Variants in NRDC observed in about 807,000 individuals in gnomAD.
The protein encoded by NRDC is nardilysin convertase.
A neutral mutation model predicts 147.1 loss-of-function variants in NRDC; 54 were observed. That is an observed-to-expected ratio of 0.37 (90% CI 0.29 to 0.46). The LOEUF is 0.46. Among genes scored for constraint, NRDC ranks in the 20% least tolerant of loss-of-function variants. The pLI is 1.00. For synonymous variants in NRDC, 440 were observed against 482.1 expected (o/e 0.91, Z 1.14); for missense variants, 1,082 against 1,370.6 (o/e 0.79, Z 3.33).
At chr1:51,814,295 TAA>T (rs1156559095) in intron 13 of NRDC, 4 of 568,140 alleles carry the variant, frequency 7.0e-6, no homozygotes, top group Non-Finnish European at 1.2e-5. Context: ...GAACCTAGAA[TAA>T]AAGTTTAAAA....
intron 1 of NRDC, among the ~76,000 whole-genome samples, chr1:51,857,516 C>T (rs545506976): frequency 3.7e-4 from 57 of 152,280 alleles, no homozygotes; most frequent in African/African-American, 1.3e-3. Context: ...ATGGAGTGAC[C>T]AAGCAAGGTA....
chr1:51,820,100 TAGAG>T (rs1470161518), intron 8 of NRDC, among the ~76,000 whole-genome samples: 2 of 152,168 alleles, frequency 1.3e-5, no homozygotes, highest in Non-Finnish European at 2.9e-5. Flanking sequence ...ACTCAAGAGA[TAGAG>T]AATGAATTTA....
chr1:51,818,166 TGTAA>T (rs745887163), intron 9 of NRDC, 31 bp from the exon 10 acceptor site: 19 of 1,450,198 alleles, frequency 1.3e-5, no homozygotes, highest in Admixed American at 4.0e-5. Context: ...GAAGAACAGA[TGTAA>T]GTGTTTCTCT....
chr1:51,791,649 G>A lies in NRDC; in HGVS notation c.2889C>T (p.Tyr963=), dbSNP rs1678662066. 6.2e-7 allele frequency: 1 copy of A among 1,613,556 alleles called. No homozygotes were observed. Among genetic ancestry groups the A allele is most frequent in the Non-Finnish European group, 8.5e-7 (1 of 1,179,538 alleles). ...TCCCGGATGTGTTCCTACAGGTAGGGTAGACATGGTACCTACAAGCCAGAG... is the reference window on the plus strand; with the variant it reads ...TCCCGGATGTGTTCCTACAGGTAGGATAGACATGGTACCTACAAGCCAGAG... ...RTKQTLGYHV[Y]PTCRNTSGIL... The change falls in exon 27 of 31, where the codon TAC becomes TAT. Residue 963 remains tyrosine (Y), a synonymous_variant. Transcript: ENST00000352171.
intron 1 of NRDC, among the ~76,000 whole-genome samples, chr1:51,870,712 T>A (rs1467414227): frequency 6.6e-6 from 1 of 152,178 alleles, no homozygotes; most frequent in Middle Eastern, 3.2e-3. Flanking sequence ...TCTCTGGGTA[T>A]GTTCTTAAGA....
At chr1:51,850,176 C>CA (rs1169739958) in intron 1 of NRDC, among the ~76,000 whole-genome samples, 134 of 147,564 alleles carry the variant, frequency 9.1e-4, no homozygotes, top group South Asian at 2.6e-3. Flanking sequence ...GACTCTATCT[C>CA]AAAAAAAAAT....
At chr1:51,851,892 G>A (rs1351721735) in intron 1 of NRDC, among the ~76,000 whole-genome samples, 1 of 152,138 alleles carries the variant, frequency 6.6e-6, no homozygotes, top group Non-Finnish European at 1.5e-5. Flanking sequence ...GGCTGCCTGG[G>A]TTGAATTCCC....
chr1:51,861,109 C>A (rs967009851), intron 1 of NRDC, among the ~76,000 whole-genome samples: 9 of 151,726 alleles, frequency 5.9e-5, no homozygotes, highest in Non-Finnish European at 7.4e-5. Context: ...ATCACCATGC[C>A]CAGTTAATTT....
chr1:51,837,772 T>C, intron 2 of NRDC: 1 of 585,984 alleles, frequency 1.7e-6, no homozygotes, highest in East Asian at 3.4e-5. Context: ...TATCAAACTT[T>C]TAAAATCAAG....
intron 22 of NRDC, chr1:51,795,228 T>C (rs1678842019): frequency 2.3e-6 from 3 of 1,297,466 alleles, no homozygotes; most frequent in Middle Eastern, 2.1e-4. Context: ...GCAAAGAAAA[T>C]AACATTTAAT....
At chr1:51,849,424 A>C (rs1681825458) in intron 1 of NRDC, among the ~76,000 whole-genome samples, 1 of 151,868 alleles carries the variant, frequency 6.6e-6, no homozygotes, top group Non-Finnish European at 1.5e-5. Flanking sequence ...CAAAAAAACA[A>C]AACAAAACAA....
chr1:51,797,438 C>G lies in NRDC; in HGVS notation c.2604+811G>C, dbSNP rs1678981904. ...TCATATCTGTACTTTAAAACAGCTT[C>G]ATAACTTGTCTCTCTGGATATTTCT... On this transcript the variant is annotated intron_variant, in intron 22 of 30. Coordinates refer to ENST00000352171, the MANE Select transcript of NRDC (RefSeq NM_001101662.2). Among the ~76,000 whole-genome samples, 3 of 152,290 alleles carry G rather than the reference C, an allele frequency of 2.0e-5. No homozygotes were observed. The South Asian group carries it at 6.2e-4, about 32-fold the overall frequency.
chr1:51,878,185 A>G (rs1683425727), intron 1 of NRDC, 90 bp downstream of exon 1: 1 of 1,479,524 alleles, frequency 6.8e-7, no homozygotes, highest in South Asian at 1.3e-5. Flanking sequence ...CTGTTGCTCC[A>G]TTGGGAGACA....
Position 51,792,028 on chromosome 1 carries a change from C to A in NRDC, c.2876+18G>T, listed in dbSNP as rs1399649422. 6.2e-7 allele frequency: 1 copy of A among 1,613,708 alleles called. No homozygotes were observed. The highest frequency in any genetic ancestry group is 1.7e-5 in the Admixed American group (1 of 60,004). On this transcript the variant is annotated intron_variant, in intron 26 of 30. Transcript: ENST00000352171. ...CTAGGCCCTTATTTGAGCTCAGTGG[C>A]CCTGCCAGCTGACTTACCCAAGGGT...
At position 51,803,857 on chromosome 1, in the gene NRDC, T is replaced by C. The variant is rs1317060806; in HGVS notation, c.2270A>G (p.His757Arg). 6.8e-6 allele frequency: 11 copies of C among 1,613,934 alleles called. 1 individual carries two copies. In the South Asian group the frequency reaches 9.9e-5, roughly 15 times the overall value. Residue 757 changes from histidine (H) to arginine (R), a missense_variant, in exon 20 of 31, where the codon CAT becomes CGT. This residue lies in a region of NRDC where 635 missense variants were observed against 923.8 expected (regional missense o/e 0.69). Coordinates refer to ENST00000352171, the MANE Select transcript of NRDC (RefSeq NM_001101662.2). ...TCCTTTCACTCGAATAATTAAACCATGTTCTCCAGCTACCAGTTTATACTC... is the reference window on the plus strand; with the variant it reads ...TCCTTTCACTCGAATAATTAAACCACGTTCTCCAGCTACCAGTTTATACTC... ...QLEYKLVAGE[H>R]GLIIRVKGFN...
At chr1:51,877,218 C>T (rs1331971213) in intron 1 of NRDC, among the ~76,000 whole-genome samples, 1 of 152,038 alleles carries the variant, frequency 6.6e-6, no homozygotes, top group Non-Finnish European at 1.5e-5. Flanking sequence ...AAATGATACA[C>T]TGAATTTGGT....
chr1:51,838,325 G>A (rs1681088110), intron 2 of NRDC, among the ~76,000 whole-genome samples: 1 of 152,050 alleles, frequency 6.6e-6, no homozygotes, highest in Non-Finnish European at 1.5e-5. Flanking sequence ...AAATAAAAAG[G>A]GGTACCAAAA....
chr1:51,820,319 T>TTC (rs1318507703), intron 8 of NRDC, among the ~76,000 whole-genome samples: 2 of 152,236 alleles, frequency 1.3e-5, no homozygotes, highest in African/African-American at 4.8e-5. Flanking sequence ...TCCTAGGGGC[T>TTC]TCTACTCTGG....
At chr1:51,841,002 T>G (rs1185621110) in intron 1 of NRDC, among the ~76,000 whole-genome samples, 3 of 152,214 alleles carry the variant, frequency 2.0e-5, no homozygotes, top group Non-Finnish European at 4.4e-5. Context: ...CTATAAAATG[T>G]TTGACATATC....
Sources: gnomAD v4.1 joint callset for allele counts (sites outside exome capture counted in the v4.1 genomes callset) on GRCh38, gnomAD v4.1.1 for gene constraint, gnomAD v4.1.1 regional missense constraint, MANE v1.5 for transcripts, NCBI Gene and HGNC (gene_info 2026-07-23, HGNC 2026-07-21) for gene names.